AP1B1: variants seen among roughly 807,000 people sequenced by gnomAD.
The protein encoded by AP1B1 is adaptor related protein complex 1 subunit beta 1.
A neutral mutation model predicts 104.3 loss-of-function variants in AP1B1; 36 were observed. The ratio of observed to expected loss-of-function variants is 0.35; its 90% CI spans 0.26 to 0.46. The LOEUF (loss-of-function observed/expected upper bound fraction) is 0.46. Among genes scored for constraint, AP1B1 ranks in the 20% least tolerant of loss-of-function variants. AP1B1 has a pLI of 1.00. For synonymous variants in AP1B1, 504 were observed against 517.5 expected (o/e 0.97, Z 0.35); for missense variants, 901 against 1,247.9 (o/e 0.72, Z 4.19).
intron 2 of AP1B1, among the ~76,000 whole-genome samples, chr22:29,366,358 C>T (rs1215831570): frequency 6.6e-6 from 1 of 152,176 alleles, no homozygotes; most frequent in Non-Finnish European, 1.5e-5. Context: ...ACATGCCTGA[C>T]CGGCCGCGGT....
chr22:29,357,361 C>A (rs184293737), intron 5 of AP1B1, among the ~76,000 whole-genome samples: 1 of 152,002 alleles, frequency 6.6e-6, no homozygotes, highest in East Asian at 1.9e-4. Context: ...AGCCACTGCA[C>A]ATAGCTTGTT....
Position 29,349,312 on chromosome 22 carries a change from A to G in AP1B1, c.1343T>C (p.Met448Thr). The G allele has an allele frequency of 1.2e-6, 2 of 1,614,110 alleles. No homozygotes were observed. Among genetic ancestry groups the G allele is most frequent in the Admixed American group, 3.3e-5 (2 of 60,026 alleles). Residue 448 changes from methionine (M) to threonine (T), a missense_variant, in exon 11 of 23, where the codon ATG becomes ACG. This residue lies in a region of AP1B1 where 471 missense variants were observed against 696.7 expected (regional missense o/e 0.68). Transcript: ENST00000357586. ...SLDEPEARAA[M>T]IWIVGEYAER... ...CGCGTACTCGCCCACAATCCAGATC[A>G]TGGCAGCCCGGGCCTCAGGCTCATC...
At chr22:29,358,693 G>C (rs1411231814) in intron 5 of AP1B1, 33 bp downstream of exon 5, 2 of 1,593,614 alleles carry the variant, frequency 1.3e-6, no homozygotes, top group Non-Finnish European at 8.6e-7. Flanking sequence ...CCAGGAGGTG[G>C]TGGAGGTAGC....
At chr22:29,352,547 C>T (rs1198370461) in intron 7 of AP1B1, among the ~76,000 whole-genome samples, 1 of 152,164 alleles carries the variant, frequency 6.6e-6, no homozygotes, top group Non-Finnish European at 1.5e-5. Context: ...ATGGAACCCT[C>T]CAGACTCCAC....
intron 8 of AP1B1, 108 bp from the exon 9 acceptor site, chr22:29,351,374 C>T (rs781474767): frequency 6.3e-6 from 8 of 1,271,248 alleles, no homozygotes; most frequent in Non-Finnish European, 8.0e-6. Context: ...TGGGATTCTG[C>T]CTCCTGCTCC....
chr22:29,365,762 C>T (rs2062125703), intron 2 of AP1B1, among the ~76,000 whole-genome samples: 1 of 151,630 alleles, frequency 6.6e-6, no homozygotes, highest in African/African-American at 2.4e-5. Context: ...CACTACCTTC[C>T]TTTCCCCAAA....
chr22:29,366,880 A>T (rs2881922), intron 2 of AP1B1, among the ~76,000 whole-genome samples: 1 of 140,758 alleles, frequency 7.1e-6, no homozygotes, highest in African/African-American at 2.6e-5. Context: ...ACACACACAC[A>T]CAACTGCTGT....
At chr22:29,335,592 TC>T (rs2061626692) in intron 16 of AP1B1, among the ~76,000 whole-genome samples, 1 of 151,872 alleles carries the variant, frequency 6.6e-6, no homozygotes, top group Admixed American at 6.6e-5. Context: ...TTCCACCCTC[TC>T]CCCCTTTCCA....
intron 11 of AP1B1, among the ~76,000 whole-genome samples, 178 bp from the exon 12 acceptor site, chr22:29,342,561 T>C (rs1232572858): frequency 6.6e-6 from 1 of 152,236 alleles, no homozygotes; most frequent in Non-Finnish European, 1.5e-5. Context: ...TTGGTGCCGC[T>C]GAGCAGCCAG....
At chr22:29,329,188 C>A (rs1313178657) in intron 22 of AP1B1, 1 of 1,250,280 alleles carries the variant, frequency 8.0e-7, no homozygotes, top group Non-Finnish European at 1.0e-6. Context: ...GAGTGCCCGG[C>A]CCCCACCCTG....
At chr22:29,348,478 T>A (rs907545298) in intron 11 of AP1B1, among the ~76,000 whole-genome samples, 14 of 152,358 alleles carry the variant, frequency 9.2e-5, no homozygotes, top group African/African-American at 3.1e-4. Flanking sequence ...CTTGATAAGC[T>A]TCGCTAAGGC....
intron 16 of AP1B1, 73 bp downstream of exon 16, chr22:29,338,917 A>G: frequency 6.3e-7 from 1 of 1,591,212 alleles, no homozygotes; most frequent in Non-Finnish European, 8.6e-7. Context: ...AGCCGAGGCC[A>G]TTTAAAGGAG....
At chr22:29,352,901 C>T (rs2061898832) in intron 7 of AP1B1, among the ~76,000 whole-genome samples, 1 of 152,160 alleles carries the variant, frequency 6.6e-6, no homozygotes, top group Non-Finnish European at 1.5e-5. Context: ...GAGAAGCATC[C>T]AGCATGATCG....
At chr22:29,329,789 C>T in intron 21 of AP1B1, 69 bp from the exon 22 acceptor site, 4 of 1,604,544 alleles carry the variant, frequency 2.5e-6, no homozygotes, top group Non-Finnish European at 2.6e-6. Flanking sequence ...AAGTTACCAC[C>T]ACCGAAGCCA....
At chr22:29,332,799 G>A (rs553339559) in intron 17 of AP1B1, among the ~76,000 whole-genome samples, 1 of 152,328 alleles carries the variant, frequency 6.6e-6, no homozygotes, top group East Asian at 1.9e-4. Flanking sequence ...GACCATTTGG[G>A]GAACCCCAGG....
At chr22:29,384,183 T>C (rs1434037604) in intron 1 of AP1B1, among the ~76,000 whole-genome samples, 1 of 152,136 alleles carries the variant, frequency 6.6e-6, no homozygotes, top group Non-Finnish European at 1.5e-5. Flanking sequence ...ACCTAGCCCT[T>C]AGCAGTGCCC....
Position 29,328,787 on chromosome 22 carries a change from G to A in AP1B1, c.*34C>T, listed in dbSNP as rs369090801. ...CCCCGAGGGGCCTCCTCGATGGGGC[G>A]GGCAGAAGGCTGGGGTGGGCGCTGG... On this transcript the variant is annotated 3_prime_UTR_variant, in exon 23 of 23. Coordinates refer to ENST00000357586, the MANE Select transcript of AP1B1 (RefSeq NM_001127.4). This position sits in a 1 kb window ranked among gnomAD's most constrained non-coding sequence, Gnocchi z 4.1. 40 of 1,589,722 alleles carry A rather than the reference G, an allele frequency of 2.5e-5. No homozygotes were observed. In the African/African-American group the frequency reaches 3.3e-4, roughly 13 times the overall value.
chr22:29,348,138 T>C (rs2061820249), intron 11 of AP1B1, among the ~76,000 whole-genome samples: 1 of 152,244 alleles, frequency 6.6e-6, no homozygotes, highest in South Asian at 2.1e-4. Flanking sequence ...CAATCCATGT[T>C]TGTGAATCTG....
At chr22:29,384,443 C>T (rs1175570532) in intron 1 of AP1B1, among the ~76,000 whole-genome samples, 1 of 150,332 alleles carries the variant, frequency 6.7e-6, no homozygotes, top group Non-Finnish European at 1.5e-5. Context: ...CCTTAGGAGT[C>T]AAGGAATCCT....
Sources: gnomAD v4.1 joint callset for allele counts (sites outside exome capture counted in the v4.1 genomes callset) on GRCh38, gnomAD v4.1.1 for gene constraint, gnomAD v4.1.1 regional missense constraint, Gnocchi (gnomAD v3.1) non-coding constraint, MANE v1.5 for transcripts, NCBI Gene and HGNC (gene_info 2026-07-23, HGNC 2026-07-21) for gene names.